ME3: variants seen among roughly 807,000 people sequenced by gnomAD.
ME3 encodes malic enzyme 3.
ME3 carries 48 observed loss-of-function variants against 68.9 expected under a neutral mutation model. The observed-to-expected ratio is 0.70, with a 90% CI of 0.55 to 0.89. The LOEUF (loss-of-function observed/expected upper bound fraction) is 0.89, where lower values mean the gene tolerates loss of function less well. ME3 is among the 40% of genes least tolerant of loss of function. The pLI is 0.00. For missense variants in ME3, 675 were observed against 797.4 expected (o/e 0.85, Z 1.85); for synonymous variants, 320 against 318.8 (o/e 1.00, Z -0.04).
intron 13 of ME3, among the ~76,000 whole-genome samples, chr11:86,444,210 A>C (rs536840653): frequency 8.5e-5 from 13 of 152,338 alleles, no homozygotes; most frequent in Non-Finnish European, 1.6e-4. Flanking sequence ...CAAAGCATGA[A>C]TTAGGGGAGA....
chr11:86,589,753 T>C (rs1424641602), intron 2 of ME3, among the ~76,000 whole-genome samples: 1 of 152,246 alleles, frequency 6.6e-6, no homozygotes, highest in African/African-American at 2.4e-5. Context: ...GCTTCTGCTT[T>C]TGACCACTAT....
intron 2 of ME3, among the ~76,000 whole-genome samples, chr11:86,643,705 G>A (rs1043185434): frequency 6.6e-6 from 1 of 152,070 alleles, no homozygotes; most frequent in Non-Finnish European, 1.5e-5. Context: ...TTACTCTTAT[G>A]AGCTTGCTAG....
intron 2 of ME3, among the ~76,000 whole-genome samples, chr11:86,578,671 A>G (rs779549147): frequency 2.0e-5 from 3 of 152,168 alleles, no homozygotes; most frequent in Non-Finnish European, 2.9e-5. Flanking sequence ...TGTCCTGAAG[A>G]AAGTGGACCA....
At chr11:86,670,940 T>C (rs1399340706) in intron 2 of ME3, among the ~76,000 whole-genome samples, 1 of 152,192 alleles carries the variant, frequency 6.6e-6, no homozygotes, top group African/African-American at 2.4e-5. Context: ...AAATGAGATA[T>C]GTGAGTTAAT....
intron 4 of ME3, among the ~76,000 whole-genome samples, chr11:86,535,935 C>G (rs558493258): frequency 6.6e-6 from 1 of 152,232 alleles, no homozygotes; most frequent in East Asian, 1.9e-4. Context: ...ATGGAAGGCC[C>G]TGTGCTAGCT....
intron 2 of ME3, among the ~76,000 whole-genome samples, chr11:86,623,137 A>C (rs950276121): frequency 3.3e-5 from 5 of 152,238 alleles, no homozygotes; most frequent in African/African-American, 9.6e-5. Flanking sequence ...TTGAATCAGT[A>C]GAATGAGTCA....
chr11:86,578,788 T>G (rs1429672819), intron 2 of ME3, among the ~76,000 whole-genome samples: 12 of 152,154 alleles, frequency 7.9e-5, no homozygotes, highest in Non-Finnish European at 1.5e-5. Context: ...TTGTAACAAC[T>G]GTTTACACTT....
chr11:86,663,383 C>T (rs539415619), intron 2 of ME3, among the ~76,000 whole-genome samples: 60 of 152,276 alleles, frequency 3.9e-4, no homozygotes, highest in African/African-American at 1.3e-3. Context: ...TGCATGGCAA[C>T]CTTTCAGATA....
At chr11:86,449,244 G>C (rs1156571764) in intron 10 of ME3, among the ~76,000 whole-genome samples, 1 of 152,158 alleles carries the variant, frequency 6.6e-6, no homozygotes, top group Non-Finnish European at 1.5e-5. Context: ...TCTAATGGAG[G>C]GGTCCTTCAG....
chr11:86,483,570 C>CA (rs1951531634), intron 7 of ME3, among the ~76,000 whole-genome samples: 1 of 151,106 alleles, frequency 6.6e-6, no homozygotes, highest in African/African-American at 2.4e-5. Context: ...TGCACAGAGA[C>CA]AACAAAATGG....
At chr11:86,569,443 C>T (rs1178207808) in intron 2 of ME3, among the ~76,000 whole-genome samples, 1 of 152,162 alleles carries the variant, frequency 6.6e-6, no homozygotes, top group African/African-American at 2.4e-5. Flanking sequence ...GGAGGCCTCC[C>T]TGCCTCCACC....
intron 4 of ME3, 82 bp from the exon 5 acceptor site, chr11:86,508,949 G>T (rs1953295879): frequency 1.8e-6 from 2 of 1,137,684 alleles, no homozygotes. Context: ...ACTAGGTATT[G>T]CATTAATTAA....
In ME3 at chr11:86,656,867, A is replaced by C. The variant is rs561313653; in HGVS notation, c.183+14895T>G. On this transcript the variant is annotated intron_variant, in intron 2 of 14. Coordinates refer to ENST00000543262, the Ensembl canonical transcript of ME3. ...GGCTGATAAACATATGAAAAAAAAAAAGCTCATGATCAGTGGTCATTAGAG... is the reference window on the plus strand; with the variant it reads ...GGCTGATAAACATATGAAAAAAAAACAGCTCATGATCAGTGGTCATTAGAG... Among the ~76,000 whole-genome samples, 41 of 152,116 alleles carry C rather than the reference A, an allele frequency of 2.7e-4. No individual in the cohort carries two copies. The South Asian group carries it at 8.1e-3, about 30-fold the overall frequency.
chr11:86,577,867 T>C (rs1449647167), intron 2 of ME3, among the ~76,000 whole-genome samples: 2 of 152,226 alleles, frequency 1.3e-5, no homozygotes, highest in Admixed American at 6.5e-5. Flanking sequence ...GGAGGAAATA[T>C]CTAGGCTTAG....
At chr11:86,603,199 T>A (rs1363003701) in intron 2 of ME3, among the ~76,000 whole-genome samples, 2 of 152,078 alleles carry the variant, frequency 1.3e-5, no homozygotes, top group African/African-American at 4.8e-5. Context: ...AACCTACTCA[T>A]CTGACAAAGG....
intron 7 of ME3, among the ~76,000 whole-genome samples, chr11:86,467,367 C>T (rs1950532612): frequency 6.6e-6 from 1 of 152,146 alleles, no homozygotes; most frequent in East Asian, 1.9e-4. Context: ...TCCCCACCCA[C>T]CATCCAGCCC....
At chr11:86,549,733 G>C (rs951579987) in intron 4 of ME3, among the ~76,000 whole-genome samples, 1 of 152,214 alleles carries the variant, frequency 6.6e-6, no homozygotes, top group Admixed American at 6.5e-5. Context: ...AAACTTGGAA[G>C]TGAGACTTCT....
At chr11:86,596,359 T>A (rs755041421) in intron 2 of ME3, among the ~76,000 whole-genome samples, 1 of 152,228 alleles carries the variant, frequency 6.6e-6, no homozygotes, top group Non-Finnish European at 1.5e-5. Context: ...ATATCCTACT[T>A]GTACAATTTT....
At chr11:86,511,517 A>C (rs1343071647) in intron 4 of ME3, among the ~76,000 whole-genome samples, 1 of 152,160 alleles carries the variant, frequency 6.6e-6, no homozygotes, top group Admixed American at 6.6e-5. Context: ...GTCCTCACTC[A>C]TTATTGGGCA....
Sources: gnomAD v4.1 joint callset for allele counts (sites outside exome capture counted in the v4.1 genomes callset) on GRCh38, gnomAD v4.1.1 for gene constraint, MANE v1.5 for transcripts, NCBI Gene and HGNC (gene_info 2026-07-23, HGNC 2026-07-21) for gene names.